Variants in TNFRSF10A observed in about 807,000 individuals in gnomAD.
TNFRSF10A encodes tumor necrosis factor receptor superfamily member 10A.
TNFRSF10A carries 44 observed loss-of-function variants against 42.8 expected under a neutral mutation model. The observed-to-expected ratio is 1.03, with a 90% CI of 0.81 to 1.32. TNFRSF10A has a LOEUF of 1.32. Among genes scored for constraint, TNFRSF10A ranks in the 40% most tolerant of loss-of-function variants. The pLI is 0.00. For missense variants in TNFRSF10A, 680 were observed against 602.0 expected (o/e 1.13, Z -1.36); for synonymous variants, 259 against 234.2 (o/e 1.11, Z -0.97).
intron 1 of TNFRSF10A, among the ~76,000 whole-genome samples, chr8:23,214,706 CCTGTGATT>C (rs1563385050): frequency 1.3e-5 from 2 of 152,232 alleles, no homozygotes; most frequent in African/African-American, 4.8e-5. Flanking sequence ...TGGATATTCT[CCTGTGATT>C]GGGCAGTGTT....
At chr8:23,221,695 T>C (rs1801258609) in intron 1 of TNFRSF10A, among the ~76,000 whole-genome samples, 1 of 152,118 alleles carries the variant, frequency 6.6e-6, no homozygotes, top group Non-Finnish European at 1.5e-5. Flanking sequence ...TCCCCAACGG[T>C]CTAATCTGGA....
At position 23,201,871 on chromosome 8, in the gene TNFRSF10A, T is replaced by G. The variant is rs1468889956; in HGVS notation, c.566A>C (p.Gln189Pro). The G allele has an allele frequency of 6.2e-7, 1 of 1,614,130 alleles. No individual in the cohort carries two copies. Among genetic ancestry groups the G allele is most frequent in the African/African-American group, 1.3e-5 (1 of 74,946 alleles). ...PCTTTRNTACQCKPGTFRNDN... is the reference protein window; with the variant it reads ...PCTTTRNTACPCKPGTFRNDN... ...ATTCCGGAAAGTTCCTGGTTTGCAC[T>G]GACATGCTGTGTTCCTGGTCGTGGT... The change falls in exon 4 of 10, where the codon CAG becomes CCG. Residue 189 changes from glutamine to proline, a missense_variant. By Grantham distance (76) the Gln-to-Pro change is moderately conservative (BLOSUM62 -1). Transcript: ENST00000221132.
intron 1 of TNFRSF10A, chr8:23,224,402 T>C (rs1801303337): frequency 1.3e-5 from 3 of 228,054 alleles, no homozygotes; most frequent in East Asian, 2.2e-4. Flanking sequence ...GCAGCTGGTG[T>C]GGCTGGGAGT....
chr8:23,210,603 A>T (rs1214142773), intron 2 of TNFRSF10A, among the ~76,000 whole-genome samples: 1 of 152,010 alleles, frequency 6.6e-6, no homozygotes, highest in East Asian at 1.9e-4. Context: ...AATGGTGTGA[A>T]CCCGGGAGGC....
chr8:23,195,479 G>A (rs909389124), intron 9 of TNFRSF10A, among the ~76,000 whole-genome samples: 2 of 152,128 alleles, frequency 1.3e-5, no homozygotes, highest in African/African-American at 4.8e-5. Context: ...ATTAATTCAT[G>A]GCAATGTGTT....
intron 2 of TNFRSF10A, among the ~76,000 whole-genome samples, chr8:23,206,122 C>T (rs1013622370): frequency 1.3e-5 from 2 of 151,952 alleles, no homozygotes; most frequent in African/African-American, 4.8e-5. Context: ...AAAGAAAGAA[C>T]ATTTTTTGTA....
intron 9 of TNFRSF10A, among the ~76,000 whole-genome samples, chr8:23,194,439 A>T (rs576243212): frequency 6.6e-6 from 1 of 152,358 alleles, no homozygotes; most frequent in South Asian, 2.1e-4. Flanking sequence ...GTCTGGGCTT[A>T]TATTTGTCTT....
At position 23,199,412 on chromosome 8, in the gene TNFRSF10A, C is replaced by T. The variant is rs545557158; in HGVS notation, c.868G>A (p.Gly290Arg). 1.9e-6 allele frequency: 3 copies of T among 1,613,572 alleles called. No homozygotes were observed. Among genetic ancestry groups the T allele is most frequent in the East Asian group, 2.2e-5 (1 of 44,862 alleles). The change falls in exon 8 of 10, where the codon GGG becomes AGG. Residue 290 changes from glycine (G) to arginine (R), a missense_variant. By Grantham distance (125) the Gly-to-Arg change is moderately radical (BLOSUM62 -2). Coordinates refer to ENST00000221132, the MANE Select transcript of TNFRSF10A (RefSeq NM_003844.4). ...FWRLGLLRGP[G>R]AEDNAHNEIL... ...TCGTTGTGAGCATTGTCCTCAGCCC[C>T]AGGCCCTCGTAGGAGACCCAAGCGC... is the stretch of plus-strand genomic sequence containing the variant.
intron 1 of TNFRSF10A, among the ~76,000 whole-genome samples, chr8:23,218,538 A>T (rs1585288413): frequency 6.6e-6 from 1 of 152,078 alleles, no homozygotes; most frequent in South Asian, 2.1e-4. Context: ...GAAGCAAGCC[A>T]TCTGTCTTGT....
intron 1 of TNFRSF10A, among the ~76,000 whole-genome samples, chr8:23,217,995 G>A (rs980947846): frequency 6.6e-6 from 1 of 152,204 alleles, no homozygotes; most frequent in Non-Finnish European, 1.5e-5. Context: ...AGGCAGATAC[G>A]AAGTCAAGGC....
At chr8:23,216,196 T>C (rs185687399) in intron 1 of TNFRSF10A, among the ~76,000 whole-genome samples, 96 of 152,348 alleles carry the variant, frequency 6.3e-4, no homozygotes, top group African/African-American at 2.0e-3. Context: ...ATTGTTTGAA[T>C]TCTATTTCAT....
intron 9 of TNFRSF10A, 141 bp from the exon 10 acceptor site, chr8:23,192,154 A>T: frequency 5.6e-6 from 8 of 1,421,774 alleles, no homozygotes; most frequent in Non-Finnish European, 7.4e-6. Context: ...TCCATTGCCC[A>T]CCCACCTCCC....
Position 23,191,750 on chromosome 8 carries a change from A to G in TNFRSF10A, c.1351T>C (p.Ser451Pro), listed in dbSNP as rs1477258393. Reference protein sequence around the residue: ...REKIQDLLVDSGKFIYLEDGT... With the variant: ...REKIQDLLVDPGKFIYLEDGT... ...TCTTCTAAGTAGATGAACTTTCCAG[A>G]GTCCACCAAGAGGTCCTGAATCTTC... Residue 451 changes from serine (S) to proline (P), a missense_variant, in exon 10 of 10, where the codon TCT (serine) becomes CCT (proline). Ser to Pro is a moderately conservative substitution (Grantham distance 74, BLOSUM62 -1). Transcript: ENST00000221132. 5 of 1,614,064 alleles carry G rather than the reference A, an allele frequency of 3.1e-6. No homozygotes were observed. The highest frequency in any genetic ancestry group is 1.1e-5 in the South Asian group (1 of 91,092).
chr8:23,219,724 T>C (rs1225295013), intron 1 of TNFRSF10A, among the ~76,000 whole-genome samples: 3 of 152,184 alleles, frequency 2.0e-5, no homozygotes, highest in East Asian at 1.9e-4. Flanking sequence ...GCTGCTCCCC[T>C]CTCCTCTTCA....
At chr8:23,224,307 AAAAAAAAAAAAAAAAG>A (rs1349115728) in intron 1 of TNFRSF10A, 1 of 76,398 alleles carries the variant, frequency 1.3e-5, no homozygotes, top group Non-Finnish European at 2.8e-5. Context: ...TTCAAAAAAA[AAAAAAAAAAAAAAAAG>A]AAGAGAAGAA....
chr8:23,199,424 G>A lies in TNFRSF10A; in HGVS notation c.856C>T (p.Leu286=), dbSNP rs1313233738. 2 of 1,612,604 alleles carry A rather than the reference G, an allele frequency of 1.2e-6. No homozygotes were observed. Among genetic ancestry groups the A allele is most frequent in the African/African-American group, 1.3e-5 (1 of 74,892 alleles). The change falls in exon 8 of 10, where the codon CTA becomes TTA. Residue 286 remains leucine (L), a synonymous_variant. Coordinates refer to ENST00000221132, the MANE Select transcript of TNFRSF10A (RefSeq NM_003844.4). ...DRVCFWRLGL[L]RGPGAEDNAH... ...TTGTCCTCAGCCCCAGGCCCTCGTA[G>A]GAGACCCAAGCGCCAGAAACACACC...
chr8:23,197,349 C>A (rs566695797), intron 8 of TNFRSF10A, 145 bp from the exon 9 acceptor site: 9 of 887,866 alleles, frequency 1.0e-5, no homozygotes, highest in African/African-American at 8.2e-5. Context: ...ACCTCTGGTC[C>A]CACATAGCTC....
chr8:23,192,124 T>G, intron 9 of TNFRSF10A, 111 bp from the exon 10 acceptor site: 2 of 1,486,268 alleles, frequency 1.3e-6, no homozygotes, highest in Non-Finnish European at 1.8e-6. Flanking sequence ...GAGAGCCCCC[T>G]GCATGGGCAA....
In TNFRSF10A at chr8:23,224,789, G is replaced by A. The variant is rs749547086; in HGVS notation, c.273C>T (p.Thr91=). 1.8e-5 allele frequency: 29 copies of A among 1,569,704 alleles called. No individual in the cohort carries two copies. The South Asian group carries it at 3.2e-4, about 17-fold the overall frequency. Residue 91 remains threonine, a synonymous_variant, in exon 1 of 10, where the codon ACC becomes ACT. Transcript: ENST00000221132. The part of the protein sequence containing the change: ...EASPRLRVHK[T]FKFVVVGVLL... ...GGACCCCGACGACGACAAACTTGAA[G>A]GTCTTGTGGACCCGGAGCCGAGGGC...
Sources: gnomAD v4.1 joint callset for allele counts (sites outside exome capture counted in the v4.1 genomes callset) on GRCh38, gnomAD v4.1.1 for gene constraint, MANE v1.5 for transcripts, NCBI Gene and HGNC (gene_info 2026-07-23, HGNC 2026-07-21) for gene names.